Variants in SPSB4 observed in about 807,000 individuals in gnomAD.
SPSB4 encodes the protein splA/ryanodine receptor domain and SOCS box containing 4, also known as SPRY domain-containing SOCS box protein 4.
In SPSB4, 21 loss-of-function variants were observed where a neutral mutation model predicts 20.9. The observed-to-expected ratio is 1.01, with a 90% CI of 0.71 to 1.45. SPSB4 has a LOEUF of 1.45. SPSB4 is among the 40% of genes most tolerant of loss of function. The pLI is 0.00. For missense variants in SPSB4, 399 were observed against 399.2 expected (o/e 1.00, Z 0.00); for synonymous variants, 207 against 183.8 (o/e 1.13, Z -1.02).
At chr3:141,070,204 A>AAATAAT (rs1553737921) in intron 2 of SPSB4, among the ~76,000 whole-genome samples, 1 of 151,694 alleles carries the variant, frequency 6.6e-6, no homozygotes, top group African/African-American at 2.4e-5. Flanking sequence ...TCCAGGGCAC[A>AAATAAT]AATAATAATA....
At chr3:141,123,329 T>G (rs1939000167) in intron 2 of SPSB4, among the ~76,000 whole-genome samples, 1 of 152,252 alleles carries the variant, frequency 6.6e-6, no homozygotes. Flanking sequence ...TCTCCGCCAA[T>G]CTGCACCCTT....
chr3:141,073,702 C>A (rs1938049534), intron 2 of SPSB4, among the ~76,000 whole-genome samples: 1 of 152,250 alleles, frequency 6.6e-6, no homozygotes, highest in Non-Finnish European at 1.5e-5. Context: ...CTCCCACCAA[C>A]TGAATAAGCT....
At chr3:141,084,595 C>T (rs528357415) in intron 2 of SPSB4, among the ~76,000 whole-genome samples, 2 of 152,326 alleles carry the variant, frequency 1.3e-5, no homozygotes, top group South Asian at 4.1e-4. Context: ...CTCTCCAAGA[C>T]TTCAGGGACC....
At chr3:141,075,892 C>CAAAAAACAA (rs1938096893) in intron 2 of SPSB4, among the ~76,000 whole-genome samples, 1 of 68,836 alleles carries the variant, frequency 1.5e-5, no homozygotes, top group Non-Finnish European at 3.7e-5. Context: ...ACTAAAAATA[C>CAAAAAACAA]AAAAAAAAAA....
intron 2 of SPSB4, among the ~76,000 whole-genome samples, chr3:141,069,996 G>A (rs1358850296): frequency 6.6e-6 from 1 of 152,212 alleles, no homozygotes; most frequent in Non-Finnish European, 1.5e-5. Flanking sequence ...TCCTGGAGGT[G>A]TGATTTCCTA....
At position 141,147,216 on chromosome 3, in the gene SPSB4, ATCAGC is replaced by A. The variant is rs1233648853; in HGVS notation, c.772_776del (p.Ser258ProfsTer19). The A allele has an allele frequency of 6.2e-7, 1 of 1,614,234 alleles. No individual in the cohort carries two copies. Among genetic ancestry groups the A allele is most frequent in the East Asian group, 2.2e-5 (1 of 44,884 alleles). ...CCTGGGCCGCCAGCGCCTGCAGGAC[ATCAGC>A]TCCCTGCCCCTGCCTCAGTCTCTCA... On this transcript the variant is annotated frameshift_variant, in exon 3 of 3. Transcript: ENST00000310546. LOFTEE classifies it high-confidence loss of function.
intron 2 of SPSB4, among the ~76,000 whole-genome samples, chr3:141,142,468 T>A (rs1004623912): frequency 6.6e-5 from 10 of 152,246 alleles, no homozygotes; most frequent in Admixed American, 5.2e-4. Flanking sequence ...TATCATGTTG[T>A]CTATCTTGGA....
chr3:141,071,145 G>T (rs1025263522), intron 2 of SPSB4, among the ~76,000 whole-genome samples: 7 of 152,388 alleles, frequency 4.6e-5, no homozygotes, highest in African/African-American at 1.7e-4. Context: ...ACTAACAGGG[G>T]AATGTCACTG....
intron 1 of SPSB4, among the ~76,000 whole-genome samples, chr3:141,062,507 T>C (rs2107776950): frequency 6.6e-6 from 1 of 152,314 alleles, no homozygotes; most frequent in South Asian, 2.1e-4. Context: ...TTTAATAGCA[T>C]AAATATATCA....
In SPSB4 at chr3:141,066,494, G is replaced by A. The variant is rs1937881283; in HGVS notation, c.390G>A (p.Thr130=). ...CTCCCCTGCACTCCGTGGGCTACACGGCGCTGGTAGGCAGTGACGCCGAGT... is the reference window on the plus strand; with the variant it reads ...CTCCCCTGCACTCCGTGGGCTACACAGCGCTGGTAGGCAGTGACGCCGAGT... ...ARAPLHSVGY[T]ALVGSDAESW... The change falls in exon 2 of 3, where the codon ACG becomes ACA. Residue 130 remains threonine (T), a synonymous_variant. Transcript: ENST00000310546. The A allele has an allele frequency of 1.3e-5, 19 of 1,499,702 alleles. No individual in the cohort carries two copies. Among genetic ancestry groups the A allele is most frequent in the Non-Finnish European group, 1.6e-5 (18 of 1,123,892 alleles). The allele number at this position is 1,499,702 out of a possible 1,614,324, so 92.9% of individuals were successfully genotyped here.
At chr3:141,134,030 C>CTTTTTTTTTTTT (rs1207127072) in intron 2 of SPSB4, among the ~76,000 whole-genome samples, 26 of 37,724 alleles carry the variant, frequency 6.9e-4, no homozygotes, top group African/African-American at 1.0e-3. Context: ...TTTTTTTTTT[C>CTTTTTTTTTTTT]TTTTCTTTTT....
chr3:141,105,358 C>G (rs1938671566), intron 2 of SPSB4, among the ~76,000 whole-genome samples: 1 of 152,194 alleles, frequency 6.6e-6, no homozygotes, highest in South Asian at 2.1e-4. Flanking sequence ...CCCTACAAAG[C>G]CCCATTTCTT....
rs1576515869 is a variant in SPSB4, at chr3:141,065,907, C to T, written c.-153-45C>T. On this transcript the variant is annotated intron_variant, in intron 1 of 2. Coordinates refer to ENST00000310546, the MANE Select transcript of SPSB4 (RefSeq NM_080862.3). ...CATAAATGAAGGGATTGGCAACTGG[C>T]TGCTGATGCTGCTGCTATAACCCGT... 4 of 517,508 alleles carry T rather than the reference C, an allele frequency of 7.7e-6. No individual in the cohort carries two copies. In the East Asian group the frequency reaches 1.4e-4, roughly 18 times the overall value. 32.1% of individuals were successfully genotyped at this position (517,508 alleles called of 1,614,324 possible).
At chr3:141,061,011 C>T (rs1425674017) in intron 1 of SPSB4, among the ~76,000 whole-genome samples, 9 of 152,122 alleles carry the variant, frequency 5.9e-5, no homozygotes, top group Admixed American at 5.9e-4. Context: ...TATGTTAAAA[C>T]AAGTCTAACT....
chr3:141,120,578 T>G (rs1938951469), intron 2 of SPSB4, among the ~76,000 whole-genome samples: 1 of 152,208 alleles, frequency 6.6e-6, no homozygotes, highest in African/African-American at 2.4e-5. Flanking sequence ...GGACTTCCTT[T>G]ATGAATCTGT....
intron 2 of SPSB4, among the ~76,000 whole-genome samples, chr3:141,133,767 A>T (rs1346188041): frequency 6.6e-6 from 1 of 151,942 alleles, no homozygotes; most frequent in Admixed American, 6.6e-5. Flanking sequence ...AGGCTATGTG[A>T]GCTCTTTTTC....
chr3:141,138,492 A>T (rs141552213), intron 2 of SPSB4, among the ~76,000 whole-genome samples: 12,844 of 151,710 alleles, frequency 0.085, 644 homozygotes, highest in East Asian at 0.14. Context: ...GTTTCCCTCT[A>T]CACACTGCTT....
Position 141,066,154 on chromosome 3 carries a change from C to G in SPSB4, c.50C>G (p.Pro17Arg). The G allele has an allele frequency of 1.3e-6, 2 of 1,532,246 alleles. No homozygotes were observed. The highest frequency in any genetic ancestry group is 1.8e-6 in the Non-Finnish European group (2 of 1,142,026). 94.9% of individuals were successfully genotyped at this position (1,532,246 alleles called of 1,614,324 possible). A position where few individuals can be genotyped will look rare whatever the true frequency, so the allele number is the denominator to read the frequency against. ...GSLKSVEVREPALRPAKRELR... is the reference protein window; with the variant it reads ...GSLKSVEVRERALRPAKRELR... ...CTCAAGTCAGTGGAGGTGCGAGAGC[C>G]GGCGCTGCGGCCGGCCAAGCGGGAG... Residue 17 changes from proline (P) to arginine (R), a missense_variant, in exon 2 of 3, where the codon CCG (proline) becomes CGG (arginine). Coordinates refer to ENST00000310546, the MANE Select transcript of SPSB4 (RefSeq NM_080862.3).
chr3:141,114,914 G>A (rs114469576), intron 2 of SPSB4, among the ~76,000 whole-genome samples: 2,381 of 152,272 alleles, frequency 0.016, 70 homozygotes, highest in African/African-American at 0.055. Context: ...TGTTCTGGGC[G>A]TTGACCAGTG....
Sources: allele counts gnomAD v4.1 joint callset (sites outside exome capture counted in the v4.1 genomes callset), GRCh38; gene constraint gnomAD v4.1.1; transcripts MANE v1.5; gene names NCBI Gene and HGNC (gene_info 2026-07-23, HGNC 2026-07-21).